MX2: variants seen among roughly 807,000 people sequenced by gnomAD.
MX2 encodes interferon-induced GTP-binding protein Mx2.
Under a neutral mutation model 74.0 loss-of-function variants are expected in MX2, and 51 were observed. That is an observed-to-expected ratio of 0.69 (90% CI 0.55 to 0.87). The LOEUF (loss-of-function observed/expected upper bound fraction) is 0.87, where lower values mean the gene tolerates loss of function less well. Among genes scored for constraint, MX2 ranks in the 40% least tolerant of loss-of-function variants. The probability of loss-of-function intolerance (pLI) is 0.00; values close to 1 mark genes in which losing one functional copy is unlikely to be tolerated. For synonymous variants in MX2, 369 were observed against 339.3 expected, an observed-to-expected ratio of 1.09 and a Z score of -0.96; for missense variants, 832 against 908.7, an observed-to-expected ratio of 0.92 and a Z score of 1.09.
rs149808434 is a variant in MX2 at position 41,400,387 on chromosome 21, C to T, written c.1414+1050C>T. On this transcript the variant is annotated intron_variant, in intron 10 of 13. Transcript: ENST00000330714. ...TCATCCCAATCCCCCTTCTCTTTGC[C>T]CCTAATTCAAGATCAGAGAGATTCT... Among the ~76,000 whole-genome samples, 386 of 152,242 alleles carry T rather than the reference C, an allele frequency of 2.5e-3. 3 individuals carry two copies. Among genetic ancestry groups the T allele is most frequent in the African/African-American group, 8.7e-3 (362 of 41,542 alleles).
chr21:41,362,602 G>A lies in MX2; in HGVS notation c.-72+547G>A, dbSNP rs369452407. Among the ~76,000 whole-genome samples, 15 of 152,060 alleles carry A rather than the reference G, an allele frequency of 9.9e-5. No homozygotes were observed. The East Asian group carries it at 1.9e-3, about 20-fold the overall frequency. ...TTCTCATGGTGTGAATGCTCCCACC[G>A]TGGCCAGTTCCCAGCCAGTAGGGGC... On this transcript the variant is annotated intron_variant, in intron 1 of 13. Coordinates refer to ENST00000330714, the MANE Select transcript of MX2 (RefSeq NM_002463.2).
chr21:41,391,068 C>G (rs1205822414), intron 6 of MX2, among the ~76,000 whole-genome samples: 1 of 151,566 alleles, frequency 6.6e-6, no homozygotes, highest in Non-Finnish European at 1.5e-5. Flanking sequence ...GGGAGGGATG[C>G]CGCACTTCTT....
At chr21:41,386,154 A>G (rs2089570331) in intron 5 of MX2, among the ~76,000 whole-genome samples, 1 of 128,844 alleles carries the variant, frequency 7.8e-6, no homozygotes, top group Non-Finnish European at 1.6e-5. Flanking sequence ...CGGGAGGCGG[A>G]GCTTGCAGTG....
In MX2 at chr21:41,389,844, G is replaced by C. The variant is rs2089632617; in HGVS notation, c.733-721G>C. ...TAAGGAACTATGTCCCAAGGTGCCAGCTTTTTCCTTGTCTGTTTGTGTTGT... is the reference window on the plus strand; with the variant it reads ...TAAGGAACTATGTCCCAAGGTGCCACCTTTTTCCTTGTCTGTTTGTGTTGT... On this transcript the variant is annotated intron_variant, in intron 5 of 13. Transcript: ENST00000330714. 3 of 152,176 alleles carry C rather than the reference G, an allele frequency of 2.0e-5. No homozygotes were observed. In the South Asian group the frequency reaches 6.2e-4, roughly 32 times the overall value. 9.4% of individuals were successfully genotyped at this position (152,176 alleles called of 1,614,324 possible). A position where few individuals can be genotyped will look rare whatever the true frequency, so the allele number is the denominator to read the frequency against.
chr21:41,386,219 C>CAAAAAAAAAAAAA (rs59005802), intron 5 of MX2, among the ~76,000 whole-genome samples: 3 of 32,020 alleles, frequency 9.4e-5, no homozygotes, highest in East Asian at 2.3e-3. Context: ...TACTCCATCT[C>CAAAAAAAAAAAAA]AAAAAAAAAA....
At position 41,397,648 on chromosome 21, in the gene MX2, G is replaced by A. The variant is rs367788793; in HGVS notation, c.1106G>A (p.Arg369Gln). 25 of 1,613,950 alleles carry A rather than the reference G, an allele frequency of 1.5e-5. No individual in the cohort carries two copies. The highest frequency in any genetic ancestry group is 2.7e-5 in the African/African-American group (2 of 74,918). The part of the protein sequence containing the change: ...LLEEGSATVP[R>Q]LAERLTTELI... ...GAGGAGGGGTCAGCCACGGTTCCCC[G>A]ACTGGCAGAAAGACTTACCACTGAA... The change falls in exon 8 of 14, where the codon CGA becomes CAA. Residue 369 changes from arginine (R) to glutamine (Q), a missense_variant. Transcript: ENST00000330714.
At chr21:41,379,266 C>A (rs536280973) in intron 3 of MX2, among the ~76,000 whole-genome samples, 1 of 152,162 alleles carries the variant, frequency 6.6e-6, no homozygotes. Flanking sequence ...GGACCCTGGG[C>A]GAGTCCCATA....
intron 2 of MX2, 35 bp from the exon 3 acceptor site, chr21:41,377,754 G>A (rs1318505338): frequency 4.4e-6 from 7 of 1,578,488 alleles, no homozygotes; most frequent in Admixed American, 1.7e-5. Context: ...CCCTATCAGG[G>A]GTCAAGGCAG....
rs2089754552 is a variant in MX2, at chr21:41,397,697, C to T, written c.1149+6C>T. 3 of 1,612,802 alleles carry T rather than the reference C, an allele frequency of 1.9e-6. No homozygotes were observed. Among genetic ancestry groups the T allele is most frequent in the Non-Finnish European group, 2.5e-6 (3 of 1,178,860 alleles). On this transcript the variant is annotated splice_donor_region_variant and intron_variant, in intron 8 of 13. Transcript: ENST00000330714. ...AACTCATCATGCATATCCAAGTGAGCCACGTGGGTTGGGTGACAAGTCATC... is the reference window on the plus strand; with the variant it reads ...AACTCATCATGCATATCCAAGTGAGTCACGTGGGTTGGGTGACAAGTCATC...
intron 6 of MX2, among the ~76,000 whole-genome samples, chr21:41,392,861 T>C (rs1020584873): frequency 1.3e-5 from 2 of 151,986 alleles, no homozygotes; most frequent in Admixed American, 6.6e-5. Flanking sequence ...TCCCAGCACT[T>C]TGGGGGGCCA....
chr21:41,371,493 G>T, intron 1 of MX2, among the ~76,000 whole-genome samples: 1 of 152,136 alleles, frequency 6.6e-6, no homozygotes, highest in East Asian at 1.9e-4. Context: ...AAGTCTGGCC[G>T]GCATTTCCTC....
chr21:41,408,285 G>A lies in MX2; in HGVS notation c.*52G>A. On this transcript the variant is annotated 3_prime_UTR_variant, in exon 14 of 14. Coordinates refer to ENST00000330714, the MANE Select transcript of MX2 (RefSeq NM_002463.2). ...CTTGTGCGTACTCATTCATTCTAAGGGGAGTCGGTGCAGGATGCCGCTTCT... is the reference window on the plus strand; with the variant it reads ...CTTGTGCGTACTCATTCATTCTAAGAGGAGTCGGTGCAGGATGCCGCTTCT... The A allele has an allele frequency of 6.3e-7, 1 of 1,596,318 alleles. No homozygotes were observed. Among genetic ancestry groups the A allele is most frequent in the Non-Finnish European group, 8.5e-7 (1 of 1,170,836 alleles).
Position 41,380,163 on chromosome 21 carries a change from T to A in MX2, c.577+12T>A. 1 of 1,613,476 alleles carries A rather than the reference T, an allele frequency of 6.2e-7. No homozygotes were observed. Among genetic ancestry groups the A allele is most frequent in the Non-Finnish European group, 8.5e-7 (1 of 1,179,700 alleles). ...AGAGATACACAAAGGTGGGCCCACGTCATTCTGAGGTTCGGATCTGGCAGC... is the reference window on the plus strand; with the variant it reads ...AGAGATACACAAAGGTGGGCCCACGACATTCTGAGGTTCGGATCTGGCAGC... On this transcript the variant is annotated intron_variant, in intron 4 of 13. Coordinates refer to ENST00000330714, the MANE Select transcript of MX2 (RefSeq NM_002463.2). The surrounding 1 kb of genome is among the most constrained non-coding windows in gnomAD (Gnocchi z 4.3).
chr21:41,403,574 G>C (rs181990440), intron 12 of MX2: 2 of 732,048 alleles, frequency 2.7e-6, no homozygotes, highest in East Asian at 2.7e-5. Flanking sequence ...AATGCGGCCC[G>C]TGCCCTGCCA....
chr21:41,377,049 A>C lies in MX2; in HGVS notation c.143A>C (p.Asn48Thr). The change falls in exon 2 of 14, where the codon AAC becomes ACC. Residue 48 changes from asparagine to threonine, a missense_variant. Transcript: ENST00000330714. The part of the protein sequence containing the change: ...TVPPQMMFPP[N>T]WQGAEKDAAF... ...CCACCACAAATGATGTTTCCTCCAA[A>C]CTGGCAGGGGGCAGAGAAGGACGCT... 7 of 1,614,182 alleles carry C rather than the reference A, an allele frequency of 4.3e-6. No individual in the cohort carries two copies. The highest frequency in any genetic ancestry group is 5.1e-6 in the Non-Finnish European group (6 of 1,180,026).
In MX2 at chr21:41,368,423, C is replaced by A. The variant is rs2089286893; in HGVS notation, c.-72+6368C>A. On this transcript the variant is annotated intron_variant, in intron 1 of 13. Coordinates refer to ENST00000330714, the MANE Select transcript of MX2 (RefSeq NM_002463.2). This position sits in a 1 kb window ranked among gnomAD's most constrained non-coding sequence, Gnocchi z 4.6. Reference sequence around the variant, plus strand: ...CATTCCTTACTCAACAGGCCCGTGTCAGAAAATCCTCCCTAAACTGCAATG... The same window carrying A: ...CATTCCTTACTCAACAGGCCCGTGTAAGAAAATCCTCCCTAAACTGCAATG... Among the ~76,000 whole-genome samples, 1 of 152,182 alleles carries A rather than the reference C, an allele frequency of 6.6e-6. No individual in the cohort carries two copies. The highest frequency in any genetic ancestry group is 1.5e-5 in the Non-Finnish European group (1 of 68,040).
chr21:41,371,253 G>A (rs1173740803), intron 1 of MX2, among the ~76,000 whole-genome samples: 1 of 152,130 alleles, frequency 6.6e-6, no homozygotes, highest in African/African-American at 2.4e-5. Flanking sequence ...CTTAGTTTTT[G>A]CATCTGGAGG....
intron 5 of MX2, among the ~76,000 whole-genome samples, chr21:41,387,605 A>G (rs1293396692): frequency 6.6e-6 from 1 of 152,076 alleles, no homozygotes; most frequent in Non-Finnish European, 1.5e-5. Context: ...AAATGTTGCA[A>G]TGCCCTAGAG....
chr21:41,390,708 G>A lies in MX2; in HGVS notation c.871+5G>A, dbSNP rs2089647275. On this transcript the variant is annotated splice_donor_5th_base_variant and intron_variant, in intron 6 of 13. Transcript: ENST00000330714. ...CGGAAGGGGACAGGACCATCGGTAA[G>A]AGGAAAGAACCAAGTGGCCGGGTGC... 3.1e-6 allele frequency: 5 copies of A among 1,613,828 alleles called. No individual in the cohort carries two copies. The highest frequency in any genetic ancestry group is 4.2e-6 in the Non-Finnish European group (5 of 1,179,874).
Sources: gnomAD v4.1 joint callset for allele counts (sites outside exome capture counted in the v4.1 genomes callset) on GRCh38, gnomAD v4.1.1 for gene constraint, Gnocchi (gnomAD v3.1) non-coding constraint, MANE v1.5 for transcripts, NCBI Gene and HGNC (gene_info 2026-07-23, HGNC 2026-07-21) for gene names.